The following ITGA9 variants were observed in gnomAD, a reference collection of about 807,000 sequenced individuals.
ITGA9 encodes integrin subunit alpha 9.
Under a neutral mutation model 127.8 loss-of-function variants are expected in ITGA9, and 56 were observed. That is an observed-to-expected ratio of 0.44 (90% CI 0.35 to 0.55). ITGA9 has a LOEUF of 0.55. ITGA9 is among the 20% of genes least tolerant of loss of function. ITGA9 has a pLI of 0.00. For missense variants in ITGA9, 1,196 were observed against 1,347.1 expected (o/e 0.89, Z 1.76); for synonymous variants, 508 against 514.5 (o/e 0.99, Z 0.17).
At chr3:37,624,277 G>GCC (rs1700156117) in intron 15 of ITGA9, among the ~76,000 whole-genome samples, 1 of 143,510 alleles carries the variant, frequency 7.0e-6, no homozygotes, top group Admixed American at 7.2e-5. Flanking sequence ...CCAGTTAGGG[G>GCC]TGCCAGGGTT....
At chr3:37,745,022 C>T (rs1696484483) in intron 22 of ITGA9, among the ~76,000 whole-genome samples, 1 of 152,224 alleles carries the variant, frequency 6.6e-6, no homozygotes, top group South Asian at 2.1e-4. Context: ...CCTCCCAGAA[C>T]TCTTCTCTGC....
In ITGA9 at chr3:37,768,176, C is replaced by T. The variant is rs546222823; in HGVS notation, c.2542-9216C>T. Among the ~76,000 whole-genome samples the T allele has an allele frequency of 3.9e-5, 6 of 152,100 alleles. No individual in the cohort carries two copies. The South Asian group carries it at 1.0e-3, about 26-fold the overall frequency. On this transcript the variant is annotated intron_variant, in intron 23 of 27. Transcript: ENST00000264741. The stretch of plus-strand genomic sequence containing the variant: ...AATACTCAATAGTAAATCATAGCAA[C>T]ATGATTTAACATGAGATATAATTTG...
In ITGA9 at chr3:37,640,044, A is replaced by G. The variant is rs74709722; in HGVS notation, c.1839+10708A>G. ...CTCAGGCTTCATCAGCAGGCCCCCA[A>G]AGAGACCTGGCTACAGCAGGGCTTC... On this transcript the variant is annotated intron_variant, in intron 16 of 27. Coordinates refer to ENST00000264741, the MANE Select transcript of ITGA9 (RefSeq NM_002207.3). Among the ~76,000 whole-genome samples the G allele has an allele frequency of 8.9e-4, 135 of 152,306 alleles. 2 individuals are homozygous for G. The East Asian group carries it at 0.023, about 26-fold the overall frequency.
chr3:37,653,938 T>A, intron 17 of ITGA9, 148 bp downstream of exon 17: 1 of 673,352 alleles, frequency 1.5e-6, no homozygotes, highest in Non-Finnish European at 2.7e-6. Flanking sequence ...AAAAAATGTA[T>A]GTTACAAAAT....
chr3:37,591,048 C>T (rs1352008502), intron 15 of ITGA9, among the ~76,000 whole-genome samples: 1 of 152,164 alleles, frequency 6.6e-6, no homozygotes, highest in Non-Finnish European at 1.5e-5. Context: ...GAGAGTCTGC[C>T]TCCACTGGGC....
At chr3:37,736,120 A>G (rs527516095) in intron 19 of ITGA9, among the ~76,000 whole-genome samples, 47 of 152,240 alleles carry the variant, frequency 3.1e-4, no homozygotes, top group African/African-American at 9.6e-4. Flanking sequence ...TGAGTGCACT[A>G]ATTCCATCAT....
chr3:37,774,454 G>GT (rs1361262250), intron 23 of ITGA9, among the ~76,000 whole-genome samples: 1 of 151,404 alleles, frequency 6.6e-6, no homozygotes, highest in Non-Finnish European at 1.5e-5. Flanking sequence ...CAGTGCTTTG[G>GT]AAGGCCAAGA....
intron 2 of ITGA9, among the ~76,000 whole-genome samples, chr3:37,471,659 T>C (rs1698432299): frequency 6.6e-6 from 1 of 152,184 alleles, no homozygotes; most frequent in Non-Finnish European, 1.5e-5. Context: ...CAGGGCAATG[T>C]GCTGGAATTT....
chr3:37,638,681 G>T (rs141011579), intron 16 of ITGA9, among the ~76,000 whole-genome samples: 3 of 152,256 alleles, frequency 2.0e-5, no homozygotes, highest in Non-Finnish European at 4.4e-5. Context: ...TACTTTAAAT[G>T]CCTTGATCTC....
chr3:37,804,940 TATAG>T (rs1397973192), intron 27 of ITGA9, among the ~76,000 whole-genome samples: 6 of 152,206 alleles, frequency 3.9e-5, no homozygotes, highest in Admixed American at 2.6e-4. Context: ...TCTCTGCATA[TATAG>T]ATATAGACCA....
intron 15 of ITGA9, among the ~76,000 whole-genome samples, chr3:37,596,926 G>A (rs559159706): frequency 6.6e-6 from 1 of 152,292 alleles, no homozygotes; most frequent in African/African-American, 2.4e-5. Context: ...CCAGAGAAAA[G>A]CCAACACCCA....
At chr3:37,480,787 G>A (rs1056173225) in intron 3 of ITGA9, among the ~76,000 whole-genome samples, 57 of 151,992 alleles carry the variant, frequency 3.8e-4, no homozygotes, top group East Asian at 1.9e-4. Context: ...CACCCCCGTC[G>A]CCCATCTCCA....
rs566412130 is a variant in ITGA9 at position 37,453,139 on chromosome 3, C to G, written c.185+580C>G. Among the ~76,000 whole-genome samples the G allele has an allele frequency of 6.7e-5, 10 of 148,850 alleles. No homozygotes were observed. The East Asian group carries it at 2.1e-3, about 31-fold the overall frequency. On this transcript the variant is annotated intron_variant, in intron 1 of 27. Transcript: ENST00000264741. ...CGCCCCCCCCCCCCCCCAGCTCCTA[C>G]AAGACCCTGGGTGGAAGTGGAGCGG...
intron 16 of ITGA9, among the ~76,000 whole-genome samples, chr3:37,640,986 GAGCAGGTCTGACCTGGGCTCTGAGGA>G (rs1297613633): frequency 1.3e-5 from 2 of 152,204 alleles, no homozygotes; most frequent in Non-Finnish European, 1.5e-5. Context: ...GCCGTCATGG[GAGCAGGTCTGACCTGGGCTCTGAGGA>G]AGCAGGTGCT....
intron 15 of ITGA9, among the ~76,000 whole-genome samples, chr3:37,574,331 A>G (rs1699631861): frequency 6.6e-5 from 10 of 152,242 alleles, no homozygotes; most frequent in Admixed American, 6.5e-4. Flanking sequence ...ACTTTAAATA[A>G]TGGTTGGAGA....
At chr3:37,691,799 G>A (rs1322898128) in intron 18 of ITGA9, among the ~76,000 whole-genome samples, 2 of 152,182 alleles carry the variant, frequency 1.3e-5, no homozygotes, top group African/African-American at 4.8e-5. Context: ...CGAGTGTCTG[G>A]GGAAGGAGAG....
At chr3:37,637,726 G>T (rs982790719) in intron 16 of ITGA9, among the ~76,000 whole-genome samples, 1 of 152,162 alleles carries the variant, frequency 6.6e-6, no homozygotes, top group South Asian at 2.1e-4. Context: ...AGGCTGGAGT[G>T]CAGTGACAGG....
Position 37,605,066 on chromosome 3 carries a change from C to T in ITGA9, c.1690-24121C>T, listed in dbSNP as rs111404000. 3.2e-3 allele frequency among the ~76,000 whole-genome samples: 488 copies of T among 152,208 alleles called. 2 individuals are homozygous for T. Among genetic ancestry groups the T allele is most frequent in the African/African-American group, 0.011 (451 of 41,528 alleles). On this transcript the variant is annotated intron_variant, in intron 15 of 27. Transcript: ENST00000264741. ...ATAAATAATTAGGGGTTGATTGTTA[C>T]GAGTGCTATGAGGGGAATAGCCAGG...
Position 37,583,486 on chromosome 3 carries a change from A to G in ITGA9, c.1689+40901A>G, listed in dbSNP as rs554267180. On this transcript the variant is annotated intron_variant, in intron 15 of 27. Coordinates refer to ENST00000264741, the MANE Select transcript of ITGA9 (RefSeq NM_002207.3). The stretch of plus-strand genomic sequence containing the variant: ...AGGACATTGTTCATGACATAACCCA[A>G]TGTCTTATGAGGCCTCATGAAAGAC... Among the ~76,000 whole-genome samples the G allele has an allele frequency of 1.6e-3, 243 of 152,328 alleles. 1 individual carries two copies. In the South Asian group the frequency reaches 0.02, roughly 12 times the overall value.
Sources: gnomAD v4.1 joint callset for allele counts (sites outside exome capture counted in the v4.1 genomes callset) on GRCh38, gnomAD v4.1.1 for gene constraint, MANE v1.5 for transcripts, NCBI Gene and HGNC (gene_info 2026-07-23, HGNC 2026-07-21) for gene names.